The following BABAM2 variants were observed in gnomAD, a reference collection of about 807,000 sequenced individuals.
The protein encoded by BABAM2 is BRISC and BRCA1 A complex member 2.
In BABAM2, 31 loss-of-function variants were observed where a neutral mutation model predicts 54.7. The ratio of observed to expected loss-of-function variants is 0.57; its 90% confidence interval spans 0.43 to 0.77. BABAM2 has a LOEUF of 0.77. BABAM2 is among the 30% of genes least tolerant of loss of function. BABAM2 has a pLI of 0.00. For missense variants in BABAM2, 364 were observed against 455.8 expected, an observed-to-expected ratio of 0.80 and a Z score of 1.83; for synonymous variants, 167 against 162.9, an observed-to-expected ratio of 1.03 and a Z score of -0.19.
intron 4 of BABAM2, chr2:28,016,440 C>A: frequency 2.2e-6 from 3 of 1,384,026 alleles, no homozygotes; most frequent in South Asian, 2.3e-5. Flanking sequence ...CTCGCCATTG[C>A]TGTTGGGTTC....
At chr2:28,198,191 G>T (rs1203888803) in intron 7 of BABAM2, among the ~76,000 whole-genome samples, 1 of 150,232 alleles carries the variant, frequency 6.7e-6, no homozygotes, top group Non-Finnish European at 1.5e-5. Context: ...ACTGAGTCTC[G>T]CTCTGTCACC....
chr2:28,244,975 G>A (rs1682783931), intron 10 of BABAM2, 113 bp downstream of exon 10: 1 of 803,350 alleles, frequency 1.2e-6, no homozygotes. Context: ...TTTTACTGTA[G>A]CGTATATATA....
At chr2:27,987,122 C>G (rs577710503) in intron 3 of BABAM2, among the ~76,000 whole-genome samples, 1 of 152,236 alleles carries the variant, frequency 6.6e-6, no homozygotes, top group African/African-American at 2.4e-5. Flanking sequence ...CACAATAAAT[C>G]TGTGACATTA....
intron 11 of BABAM2, among the ~76,000 whole-genome samples, chr2:28,328,106 C>T (rs530433479): frequency 1.3e-5 from 2 of 152,266 alleles, no homozygotes; most frequent in South Asian, 4.1e-4. Flanking sequence ...GAAACAGAAG[C>T]AGGTCTCTTT....
At chr2:28,266,746 GA>G in intron 10 of BABAM2, among the ~76,000 whole-genome samples, 1 of 152,330 alleles carries the variant, frequency 6.6e-6, no homozygotes, top group East Asian at 1.9e-4. Flanking sequence ...AAAAACAAAG[GA>G]GGAACTGCCT....
intron 11 of BABAM2, among the ~76,000 whole-genome samples, chr2:28,337,653 A>C (rs929998484): frequency 1.3e-5 from 2 of 152,178 alleles, no homozygotes; most frequent in Admixed American, 6.5e-5. Context: ...ACCAGACTGC[A>C]TGTGCGTTTG....
At chr2:28,015,199 T>C (rs1451725353) in intron 4 of BABAM2, among the ~76,000 whole-genome samples, 1 of 152,182 alleles carries the variant, frequency 6.6e-6, no homozygotes, top group Non-Finnish European at 1.5e-5. Context: ...ACAAAACAGA[T>C]GTGTGAGGAT....
chr2:28,308,210 A>G, intron 11 of BABAM2: 1 of 327,666 alleles, frequency 3.1e-6, no homozygotes, highest in South Asian at 3.2e-5. Context: ...GCTGAAGCCA[A>G]AGCGAATGCT....
chr2:28,073,396 G>A (rs1305263559), intron 6 of BABAM2, among the ~76,000 whole-genome samples: 1 of 152,122 alleles, frequency 6.6e-6, no homozygotes, highest in Non-Finnish European at 1.5e-5. Context: ...TACTCAAGAG[G>A]CTGAGGCAGG....
At chr2:27,942,827 T>TATTA (rs1239988414) in intron 3 of BABAM2, among the ~76,000 whole-genome samples, 1 of 151,488 alleles carries the variant, frequency 6.6e-6, no homozygotes, top group African/African-American at 2.4e-5. Context: ...TTTATTTATT[T>TATTA]ATTAAGACAG....
rs1558543057 is a variant in BABAM2, at chr2:28,338,711, T to G, written c.*198T>G. ...TGGTGGTCCCTGGATCCTAGAGCCCTTCACTTCGGGTTACTCCCTCTTTCT... is the reference window on the plus strand; with the variant it reads ...TGGTGGTCCCTGGATCCTAGAGCCCGTCACTTCGGGTTACTCCCTCTTTCT... On this transcript the variant is annotated 3_prime_UTR_variant, in exon 12 of 12. Transcript: ENST00000379624. 5.3e-6 allele frequency: 3 copies of G among 568,868 alleles called. No homozygotes were observed. In the South Asian group the frequency reaches 6.5e-5, roughly 12 times the overall value. The allele number at this position is 568,868 out of a possible 1,614,324, so 35.2% of individuals were successfully genotyped here.
intron 7 of BABAM2, among the ~76,000 whole-genome samples, chr2:28,194,811 C>T (rs1456882044): frequency 6.6e-6 from 1 of 152,090 alleles, no homozygotes. Flanking sequence ...CCGCCTGTCT[C>T]GGCCTCCCAA....
intron 7 of BABAM2, among the ~76,000 whole-genome samples, chr2:28,200,886 A>G (rs1678193081): frequency 6.6e-6 from 1 of 151,998 alleles, no homozygotes; most frequent in East Asian, 1.9e-4. Context: ...CTCCTGCCTC[A>G]CCCTCCTGCA....
At chr2:28,128,445 A>G (rs1016773998) in intron 6 of BABAM2, among the ~76,000 whole-genome samples, 5 of 152,264 alleles carry the variant, frequency 3.3e-5, no homozygotes, top group African/African-American at 9.6e-5. Flanking sequence ...GTGCTTGGCA[A>G]TAATCATAAA....
chr2:28,134,814 A>G (rs1670397948), intron 7 of BABAM2, among the ~76,000 whole-genome samples: 1 of 152,198 alleles, frequency 6.6e-6, no homozygotes, highest in African/African-American at 2.4e-5. Context: ...CATAAATGAA[A>G]TGTGGCTCAT....
At chr2:28,200,087 C>T (rs1204616171) in intron 7 of BABAM2, among the ~76,000 whole-genome samples, 13 of 152,162 alleles carry the variant, frequency 8.5e-5, no homozygotes, top group Admixed American at 8.5e-4. Flanking sequence ...CTTCTTCATA[C>T]GTAGCTGGTT....
intron 3 of BABAM2, among the ~76,000 whole-genome samples, chr2:27,975,907 C>T (rs1300529995): frequency 6.6e-6 from 1 of 151,848 alleles, no homozygotes; most frequent in Non-Finnish European, 1.5e-5. Flanking sequence ...GATACTCCAC[C>T]AAGGAATATA....
intron 6 of BABAM2, among the ~76,000 whole-genome samples, chr2:28,107,418 T>C (rs1474552888): frequency 6.6e-6 from 1 of 152,230 alleles, no homozygotes; most frequent in Non-Finnish European, 1.5e-5. Flanking sequence ...CTGTTTACGC[T>C]CTGGCCCTTA....
At chr2:27,918,777 C>T (rs547164666) in intron 2 of BABAM2, among the ~76,000 whole-genome samples, 1 of 152,228 alleles carries the variant, frequency 6.6e-6, no homozygotes, top group East Asian at 1.9e-4. Flanking sequence ...CAGTCTTGAC[C>T]TCCCTGGCTC....
Sources: allele counts gnomAD v4.1 joint callset (sites outside exome capture counted in the v4.1 genomes callset), GRCh38; gene constraint gnomAD v4.1.1; transcripts MANE v1.5; gene names NCBI Gene and HGNC (gene_info 2026-07-23, HGNC 2026-07-21).